Variants in OSBPL8 observed in about 807,000 individuals in gnomAD.
OSBPL8 encodes the protein oxysterol-binding protein-related protein 8.
A neutral mutation model predicts 125.5 loss-of-function variants in OSBPL8; 59 were observed. That is an observed-to-expected ratio of 0.47 (90% CI 0.38 to 0.58). The LOEUF (loss-of-function observed/expected upper bound fraction) is 0.58. Among genes scored for constraint, OSBPL8 ranks in the 20% least tolerant of loss-of-function variants. OSBPL8 has a pLI of 0.00. For synonymous variants in OSBPL8, 330 were observed against 338.9 expected (o/e 0.97, Z 0.29); for missense variants, 758 against 1,047.8 (o/e 0.72, Z 3.82).
In OSBPL8 at chr12:76,384,147, A is replaced by C. The variant is rs1953187099; in HGVS notation, c.1630+107T>G. The C allele has an allele frequency of 7.4e-6, 4 of 540,158 alleles. No individual in the cohort carries two copies. In the South Asian group the frequency reaches 1.8e-4, roughly 24 times the overall value. The allele number at this position is 540,158 out of a possible 1,614,324, so 33.5% of individuals were successfully genotyped here. On this transcript the variant is annotated intron_variant, in intron 15 of 23. Coordinates refer to ENST00000261183, the MANE Select transcript of OSBPL8 (RefSeq NM_020841.5). ...TTATTCAAGGAAAGATGATACTTAA[A>C]ATGACAAACTCCTTGTTGAAAATAG... is the stretch of plus-strand genomic sequence containing the variant.
intron 1 of OSBPL8, among the ~76,000 whole-genome samples, chr12:76,549,264 CTGAG>C (rs2137485466): frequency 6.6e-6 from 1 of 152,334 alleles, no homozygotes; most frequent in South Asian, 2.1e-4. Context: ...GTAAGAGCAA[CTGAG>C]TATCTAGACA....
chr12:76,459,007 TA>T (rs758267985), intron 3 of OSBPL8, among the ~76,000 whole-genome samples: 6 of 152,334 alleles, frequency 3.9e-5, no homozygotes, highest in Non-Finnish European at 8.8e-5. Flanking sequence ...TATGATGCAG[TA>T]AAATTTTAAC....
At chr12:76,399,340 A>G (rs951846368) in intron 7 of OSBPL8, among the ~76,000 whole-genome samples, 4 of 152,184 alleles carry the variant, frequency 2.6e-5, no homozygotes, top group African/African-American at 4.8e-5. Flanking sequence ...TAAGAATGAG[A>G]AAGAGGATAG....
intron 5 of OSBPL8, among the ~76,000 whole-genome samples, chr12:76,406,609 G>A (rs1443851137): frequency 6.6e-6 from 1 of 152,152 alleles, no homozygotes; most frequent in African/African-American, 2.4e-5. Context: ...AAAGGTGCAT[G>A]AGAAAGAGGA....
intron 1 of OSBPL8, among the ~76,000 whole-genome samples, chr12:76,515,869 C>G (rs187097892): frequency 1.3e-3 from 200 of 152,222 alleles, no homozygotes; most frequent in African/African-American, 4.7e-3. Flanking sequence ...CACATATTAG[C>G]TGCTTCTAGT....
intron 1 of OSBPL8, among the ~76,000 whole-genome samples, chr12:76,553,774 G>A (rs536603289): frequency 1.3e-5 from 2 of 151,458 alleles, no homozygotes; most frequent in Admixed American, 1.3e-4. Flanking sequence ...TCAGGAGTTC[G>A]AGAACAGCCT....
At chr12:76,509,964 A>G (rs956528507) in intron 1 of OSBPL8, among the ~76,000 whole-genome samples, 2 of 152,240 alleles carry the variant, frequency 1.3e-5, no homozygotes, top group African/African-American at 4.8e-5. Context: ...AGGTAGGTAG[A>G]TATTCCCAAA....
At chr12:76,404,658 T>C (rs776394840) in intron 5 of OSBPL8, among the ~76,000 whole-genome samples, 1 of 152,202 alleles carries the variant, frequency 6.6e-6, no homozygotes, top group African/African-American at 2.4e-5. Flanking sequence ...TAATAAACAG[T>C]AAATATACTT....
chr12:76,364,967 C>T (rs188155394), intron 21 of OSBPL8, among the ~76,000 whole-genome samples: 13 of 152,072 alleles, frequency 8.5e-5, no homozygotes, highest in Admixed American at 5.9e-4. Context: ...AGTACAGTTA[C>T]GTCCTTATTT....
At chr12:76,513,457 T>A (rs191742094) in intron 1 of OSBPL8, among the ~76,000 whole-genome samples, 1 of 152,368 alleles carries the variant, frequency 6.6e-6, no homozygotes, top group Admixed American at 6.5e-5. Flanking sequence ...TGATCTAATG[T>A]TGAGTTCAGG....
intron 11 of OSBPL8, chr12:76,390,137 T>C: frequency 2.4e-6 from 1 of 421,542 alleles, no homozygotes; most frequent in Non-Finnish European, 4.2e-6. Flanking sequence ...CACGTTTCCT[T>C]GCAACTTTGC....
intron 4 of OSBPL8, among the ~76,000 whole-genome samples, chr12:76,437,353 C>T (rs1048014030): frequency 1.3e-5 from 2 of 152,058 alleles, no homozygotes; most frequent in Non-Finnish European, 1.5e-5. Flanking sequence ...TATGAAATAG[C>T]AATTCATTAC....
chr12:76,384,958 A>T (rs1953244453), intron 14 of OSBPL8, among the ~76,000 whole-genome samples: 1 of 152,178 alleles, frequency 6.6e-6, no homozygotes, highest in Admixed American at 6.5e-5. Flanking sequence ...TTTGGCACTA[A>T]TTTTTTAGAC....
At chr12:76,472,272 A>G (rs999296084) in intron 2 of OSBPL8, among the ~76,000 whole-genome samples, 1 of 152,184 alleles carries the variant, frequency 6.6e-6, no homozygotes, top group African/African-American at 2.4e-5. Flanking sequence ...ATTGGTCTTT[A>G]GTATCTTCCT....
intron 15 of OSBPL8, among the ~76,000 whole-genome samples, chr12:76,381,827 C>T (rs374264384): frequency 2.6e-5 from 4 of 151,972 alleles, no homozygotes; most frequent in East Asian, 3.9e-4. Flanking sequence ...CTCTGCCTCC[C>T]GGGTTCAAGT....
chr12:76,397,228 T>G (rs1238895868), intron 8 of OSBPL8, among the ~76,000 whole-genome samples: 1 of 151,210 alleles, frequency 6.6e-6, no homozygotes, highest in Non-Finnish European at 1.5e-5. Context: ...GTAAGAAAGA[T>G]TGCTTCTGCT....
chr12:76,456,419 G>A (rs907758442), intron 3 of OSBPL8, among the ~76,000 whole-genome samples: 1 of 152,100 alleles, frequency 6.6e-6, no homozygotes, highest in African/African-American at 2.4e-5. Flanking sequence ...CACTTTGGGA[G>A]GCAGGCAGAT....
intron 1 of OSBPL8, among the ~76,000 whole-genome samples, chr12:76,555,763 C>G (rs1951075853): frequency 6.6e-6 from 1 of 152,284 alleles, no homozygotes; most frequent in South Asian, 2.1e-4. Flanking sequence ...TTTTCTGACC[C>G]TTATCGTACT....
At chr12:76,357,598 C>T (rs1403200406) in intron 22 of OSBPL8, among the ~76,000 whole-genome samples, 1 of 152,112 alleles carries the variant, frequency 6.6e-6, no homozygotes, top group African/African-American at 2.4e-5. Flanking sequence ...TCGGTTCATT[C>T]CTCTAACTAC....
Sources: gnomAD v4.1 joint callset for allele counts (sites outside exome capture counted in the v4.1 genomes callset) on GRCh38, gnomAD v4.1.1 for gene constraint, MANE v1.5 for transcripts, NCBI Gene and HGNC (gene_info 2026-07-23, HGNC 2026-07-21) for gene names.